The following LRMDA variants were observed in gnomAD, a reference collection of about 807,000 sequenced individuals.
The protein encoded by LRMDA is leucine rich melanocyte differentiation associated, also known as leucine-rich melanocyte differentiation-associated protein.
LRMDA carries 18 observed loss-of-function variants against 29.8 expected under a neutral mutation model. The ratio of observed to expected loss-of-function variants is 0.60; its 90% CI spans 0.42 to 0.90. The LOEUF is 0.90. Ranked by LOEUF, LRMDA falls within the 40% of genes least tolerant of loss-of-function variation. LRMDA has a pLI of 0.00. For synonymous variants in LRMDA, 125 were observed against 109.4 expected (o/e 1.14, Z -0.89); for missense variants, 273 against 273.9 (o/e 1.00, Z 0.02).
At position 75,616,368 on chromosome 10, in the gene LRMDA, A is replaced by G. The variant is rs151167386; in HGVS notation, c.131+177874A>G. On this transcript the variant is annotated intron_variant, in intron 2 of 6. Coordinates refer to ENST00000611255, the MANE Select transcript of LRMDA (RefSeq NM_001305581.2). ...GCCCTTGACATATGGGGATTATTGCAATTCAAGGTGAGAGTTGGGTGGGGA... is the reference window on the plus strand; with the variant it reads ...GCCCTTGACATATGGGGATTATTGCGATTCAAGGTGAGAGTTGGGTGGGGA... Among the ~76,000 whole-genome samples the G allele has an allele frequency of 2.5e-3, 381 of 152,314 alleles. 5 individuals carry two copies. The highest frequency in any genetic ancestry group is 9.1e-3 in the African/African-American group (377 of 41,568).
chr10:75,723,366 T>G lies in LRMDA; in HGVS notation c.131+284872T>G, dbSNP rs537735586. ...TGAACCAAGAAAGTAGACAACTGCA[T>G]GGTAACAGAGCAGAATGTGGGGTCT... On this transcript the variant is annotated intron_variant, in intron 2 of 6. Transcript: ENST00000611255. Among the ~76,000 whole-genome samples, 3 of 152,336 alleles carry G rather than the reference T, an allele frequency of 2.0e-5. No individual in the cohort carries two copies. The East Asian group carries it at 5.8e-4, about 29-fold the overall frequency.
At chr10:76,223,960 G>A (rs1266248984) in intron 5 of LRMDA, among the ~76,000 whole-genome samples, 4 of 152,092 alleles carry the variant, frequency 2.6e-5, no homozygotes, top group African/African-American at 9.7e-5. Context: ...GGATATGGAA[G>A]GTTGACTGGG....
chr10:75,949,555 T>C (rs534841183), intron 2 of LRMDA, among the ~76,000 whole-genome samples: 11 of 151,582 alleles, frequency 7.3e-5, no homozygotes, highest in African/African-American at 2.7e-4. Flanking sequence ...ATTGGAGGAG[T>C]CTTAGGAAGA....
intron 5 of LRMDA, among the ~76,000 whole-genome samples, chr10:76,294,709 G>A (rs1840391194): frequency 6.6e-6 from 1 of 152,198 alleles, no homozygotes; most frequent in African/African-American, 2.4e-5. Context: ...TTGTAAGTTA[G>A]AAGTCCTAGC....
At chr10:76,238,298 C>T (rs1310979032) in intron 5 of LRMDA, among the ~76,000 whole-genome samples, 4 of 152,064 alleles carry the variant, frequency 2.6e-5, no homozygotes, top group African/African-American at 2.4e-5. Context: ...ATGACGCAGG[C>T]AATTTGGTCC....
chr10:75,728,032 A>G (rs1467378707), intron 2 of LRMDA, among the ~76,000 whole-genome samples: 5 of 152,152 alleles, frequency 3.3e-5, no homozygotes, highest in Non-Finnish European at 7.3e-5. Context: ...ATTATTCATT[A>G]TTTCATTTAG....
At chr10:75,874,865 G>A (rs1845170061) in intron 2 of LRMDA, among the ~76,000 whole-genome samples, 2 of 152,202 alleles carry the variant, frequency 1.3e-5, no homozygotes, top group South Asian at 4.1e-4. Context: ...ATGGAAAGAA[G>A]CACAACAACT....
chr10:76,221,677 A>G (rs1246526542), intron 5 of LRMDA, among the ~76,000 whole-genome samples: 2 of 152,262 alleles, frequency 1.3e-5, no homozygotes, highest in Non-Finnish European at 2.9e-5. Context: ...CAATATCATG[A>G]AAATGGCCAT....
chr10:75,533,756 G>A (rs1845505648), intron 2 of LRMDA, among the ~76,000 whole-genome samples: 1 of 152,162 alleles, frequency 6.6e-6, no homozygotes, highest in Non-Finnish European at 1.5e-5. Context: ...CACTGGGAGA[G>A]TTGGGCCCAC....
intron 2 of LRMDA, among the ~76,000 whole-genome samples, chr10:75,992,581 C>T (rs1250729632): frequency 6.6e-6 from 1 of 152,164 alleles, no homozygotes; most frequent in African/African-American, 2.4e-5. Flanking sequence ...TGCTAACGGG[C>T]ATGGACGTTT....
chr10:75,659,966 G>A (rs1208890266), intron 2 of LRMDA, among the ~76,000 whole-genome samples: 1 of 151,918 alleles, frequency 6.6e-6, no homozygotes, highest in African/African-American at 2.4e-5. Context: ...TTGATCCTAG[G>A]AGGAACTTTT....
At chr10:75,993,240 C>T (rs1847402496) in intron 2 of LRMDA, among the ~76,000 whole-genome samples, 1 of 152,148 alleles carries the variant, frequency 6.6e-6, no homozygotes, top group South Asian at 2.1e-4. Context: ...GGAAAGGGGT[C>T]CCAGAAGGAT....
chr10:75,971,981 A>T (rs1019438213), intron 2 of LRMDA, among the ~76,000 whole-genome samples: 1 of 152,208 alleles, frequency 6.6e-6, no homozygotes, highest in Non-Finnish European at 1.5e-5. Flanking sequence ...TCAGTCTTTC[A>T]TATTTCAGAT....
At chr10:75,999,829 A>C (rs1217003480) in intron 2 of LRMDA, among the ~76,000 whole-genome samples, 1 of 152,226 alleles carries the variant, frequency 6.6e-6, no homozygotes, top group Non-Finnish European at 1.5e-5. Flanking sequence ...TGATATCTTG[A>C]AGGATGGAAG....
chr10:75,978,296 C>G (rs956497752), intron 2 of LRMDA, among the ~76,000 whole-genome samples: 2 of 152,114 alleles, frequency 1.3e-5, no homozygotes, highest in Non-Finnish European at 2.9e-5. Context: ...ACCCTGGTTC[C>G]CTCTCTTTGT....
chr10:75,967,161 G>T (rs905699195), intron 2 of LRMDA, among the ~76,000 whole-genome samples: 1 of 152,160 alleles, frequency 6.6e-6, no homozygotes. Context: ...CCAATCCCTC[G>T]TCCCTCCTTT....
intron 2 of LRMDA, among the ~76,000 whole-genome samples, chr10:75,688,567 C>G (rs1842109083): frequency 6.6e-6 from 1 of 152,186 alleles, no homozygotes; most frequent in African/African-American, 2.4e-5. Context: ...GGTGAAGATG[C>G]TGTGAACATT....
rs545982757 is a variant in LRMDA at position 75,782,888 on chromosome 10, C to G, written c.132-253120C>G. On this transcript the variant is annotated intron_variant, in intron 2 of 6. Coordinates refer to ENST00000611255, the MANE Select transcript of LRMDA (RefSeq NM_001305581.2). Reference sequence around the variant, plus strand: ...TGCCCCCAAAGCCGTGGAGTACCTGCTGTTGCTCTCATGCCTCTTGCCAAC... The same window carrying G: ...TGCCCCCAAAGCCGTGGAGTACCTGGTGTTGCTCTCATGCCTCTTGCCAAC... 1.9e-6 allele frequency: 3 copies of G among 1,601,498 alleles called. No homozygotes were observed. In the South Asian group the frequency reaches 3.3e-5, roughly 18 times the overall value.
chr10:75,431,693 C>A lies in LRMDA; in HGVS notation c.-32C>A. ...GCTGCTGCCGCCGCGCCCCCGCGCTCCGTCCCGCGCGCCCGCAGCGTCCTG... is the reference window on the plus strand; with the variant it reads ...GCTGCTGCCGCCGCGCCCCCGCGCTACGTCCCGCGCGCCCGCAGCGTCCTG... On this transcript the variant is annotated 5_prime_UTR_variant, in exon 1 of 7. Transcript: ENST00000611255. 7.7e-7 allele frequency: 1 copy of A among 1,290,694 alleles called. No homozygotes were observed. Among genetic ancestry groups the A allele is most frequent in the Non-Finnish European group, 9.8e-7 (1 of 1,024,656 alleles). The allele number at this position is 1,290,694 out of a possible 1,614,324, so 80.0% of individuals were successfully genotyped here. A position where few individuals can be genotyped will look rare whatever the true frequency, so the allele number is the denominator to read the frequency against.
Sources: allele counts gnomAD v4.1 joint callset (sites outside exome capture counted in the v4.1 genomes callset), GRCh38; gene constraint gnomAD v4.1.1; transcripts MANE v1.5; gene names NCBI Gene and HGNC (gene_info 2026-07-23, HGNC 2026-07-21).